DYM: variants seen among roughly 807,000 people sequenced by gnomAD.
The protein encoded by DYM is dymeclin.
DYM carries 78 observed loss-of-function variants against 93.1 expected under a neutral mutation model. The observed-to-expected ratio is 0.84, with a 90% CI of 0.70 to 1.01. The LOEUF is 1.01. Among genes scored for constraint, DYM ranks in the 50% least tolerant of loss-of-function variants. DYM has a pLI of 0.00. For synonymous variants in DYM, 321 were observed against 319.7 expected (o/e 1.00, Z -0.04); for missense variants, 789 against 845.0 (o/e 0.93, Z 0.82).
intron 16 of DYM, among the ~76,000 whole-genome samples, chr18:49,112,297 A>C (rs1568441101): frequency 6.6e-6 from 1 of 152,154 alleles, no homozygotes; most frequent in Non-Finnish European, 1.5e-5. Context: ...ACAGCCTGTG[A>C]GTGCAAATTC....
At chr18:49,169,879 C>G (rs527259792) in intron 14 of DYM, among the ~76,000 whole-genome samples, 3 of 152,246 alleles carry the variant, frequency 2.0e-5, no homozygotes, top group African/African-American at 7.2e-5. Flanking sequence ...AGGAAACGTC[C>G]ATATTATCCA....
At chr18:49,363,285 C>T in intron 5 of DYM, 52 bp from the exon 6 acceptor site, 1 of 1,277,084 alleles carries the variant, frequency 7.8e-7, no homozygotes, top group Non-Finnish European at 1.1e-6. Flanking sequence ...CAGTAGAATA[C>T]AGTTGTTCAG....
intron 16 of DYM, among the ~76,000 whole-genome samples, chr18:49,118,097 T>C (rs2082073339): frequency 1.4e-5 from 2 of 147,572 alleles, no homozygotes; most frequent in South Asian, 2.2e-4. Flanking sequence ...GCAACCTCTA[T>C]TTCCTGGGTT....
chr18:49,095,353 T>C (rs1641644140), intron 17 of DYM, among the ~76,000 whole-genome samples: 1 of 152,212 alleles, frequency 6.6e-6, no homozygotes, highest in Non-Finnish European at 1.5e-5. Flanking sequence ...TCTGTGGTAA[T>C]AATATGCTAT....
intron 7 of DYM, among the ~76,000 whole-genome samples, chr18:49,332,920 T>C (rs1018351033): frequency 6.6e-6 from 1 of 152,174 alleles, no homozygotes; most frequent in African/African-American, 2.4e-5. Context: ...TGAGTGTCAT[T>C]CTGAGTGTCT....
At chr18:49,081,531 GAGGGGAGA>G (rs2078024405) in intron 17 of DYM, among the ~76,000 whole-genome samples, 1 of 9,592 alleles carries the variant, frequency 1.0e-4, no homozygotes, top group South Asian at 4.6e-3. Context: ...GGAGAGGGGA[GAGGGGAGA>G]GGGGAGAGGG....
At chr18:49,188,763 A>G (rs889569453) in intron 14 of DYM, among the ~76,000 whole-genome samples, 1 of 152,166 alleles carries the variant, frequency 6.6e-6, no homozygotes, top group South Asian at 2.1e-4. Flanking sequence ...TGGGTGCAGC[A>G]CACCAATGTG....
chr18:49,169,186 C>A lies in DYM; in HGVS notation c.1626-5399G>T, dbSNP rs529076967. Among the ~76,000 whole-genome samples, 6 of 152,254 alleles carry A rather than the reference C, an allele frequency of 3.9e-5. No homozygotes were observed. In the South Asian group the frequency reaches 1.2e-3, roughly 32 times the overall value. ...GAGGGCGCAGTCAGGTGAAAAAGGA[C>A]GTGCCTAAATAGACTGGAGGTGAAC... On this transcript the variant is annotated intron_variant, in intron 14 of 17. Transcript: ENST00000675505.
At chr18:49,227,552 A>C (rs766518226) in intron 13 of DYM, among the ~76,000 whole-genome samples, 8 of 152,162 alleles carry the variant, frequency 5.3e-5, no homozygotes, top group Non-Finnish European at 1.5e-5. Flanking sequence ...ATATACACGG[A>C]AACATCCACA....
chr18:49,232,367 C>T (rs1220227261), intron 13 of DYM, among the ~76,000 whole-genome samples: 5 of 150,984 alleles, frequency 3.3e-5, no homozygotes, highest in African/African-American at 7.3e-5. Context: ...AGTGCAGTGG[C>T]GCGATCTCGG....
intron 1 of DYM, among the ~76,000 whole-genome samples, chr18:49,458,826 G>T (rs1272231942): frequency 3.3e-5 from 5 of 152,128 alleles, no homozygotes; most frequent in African/African-American, 1.2e-4. Flanking sequence ...ATGACAGAGC[G>T]AGACTCTGCC....
chr18:49,147,777 C>G (rs2085327627), intron 15 of DYM, among the ~76,000 whole-genome samples: 2 of 152,136 alleles, frequency 1.3e-5, no homozygotes. Context: ...TTGTGGAAGT[C>G]AGTGTGGCGA....
At chr18:49,299,073 A>G (rs2060738692) in intron 8 of DYM, among the ~76,000 whole-genome samples, 1 of 152,146 alleles carries the variant, frequency 6.6e-6, no homozygotes, top group African/African-American at 2.4e-5. Context: ...GTTCCCAGAA[A>G]CTTCATTCCA....
intron 8 of DYM, among the ~76,000 whole-genome samples, chr18:49,323,121 C>T (rs2062624152): frequency 6.6e-6 from 1 of 152,188 alleles, no homozygotes; most frequent in African/African-American, 2.4e-5. Flanking sequence ...GTTTCAATCA[C>T]AGAATTGTTT....
intron 3 of DYM, among the ~76,000 whole-genome samples, chr18:49,381,000 T>C (rs1242018469): frequency 6.6e-6 from 1 of 150,384 alleles, no homozygotes; most frequent in Non-Finnish European, 1.5e-5. Context: ...TTGAACTTCT[T>C]TTTTTTTTAA....
At chr18:49,151,348 A>G (rs1013259185) in intron 15 of DYM, among the ~76,000 whole-genome samples, 1 of 152,226 alleles carries the variant, frequency 6.6e-6, no homozygotes, top group South Asian at 2.1e-4. Flanking sequence ...ATTCTCGAAT[A>G]CAATTTGTTT....
At position 49,044,023 on chromosome 18, in the gene DYM, T is replaced by C; in HGVS notation, c.*32A>G. The C allele has an allele frequency of 1.9e-6, 3 of 1,612,118 alleles. No individual in the cohort carries two copies. The highest frequency in any genetic ancestry group is 2.5e-6 in the Non-Finnish European group (3 of 1,179,724). On this transcript the variant is annotated 3_prime_UTR_variant, in exon 18 of 18. Coordinates refer to ENST00000675505, the MANE Select transcript of DYM (RefSeq NM_001353214.3). ...AAAAGAACTTGAAGGGCTGCTTGGC[T>C]GGAGGGGTCCGGGTGGGAGAGCATC... is the stretch of plus-strand genomic sequence containing the variant.
At chr18:49,197,213 G>C (rs928487438) in intron 14 of DYM, among the ~76,000 whole-genome samples, 2 of 152,116 alleles carry the variant, frequency 1.3e-5, no homozygotes, top group Non-Finnish European at 2.9e-5. Flanking sequence ...TATCAATTTG[G>C]AACATATTGG....
chr18:49,115,401 T>G (rs2081839575), intron 16 of DYM, among the ~76,000 whole-genome samples: 1 of 152,248 alleles, frequency 6.6e-6, no homozygotes, highest in Admixed American at 6.5e-5. Context: ...TTAGAGATTA[T>G]TTCTCTCCCA....
Sources: allele counts gnomAD v4.1 joint callset (sites outside exome capture counted in the v4.1 genomes callset), GRCh38; gene constraint gnomAD v4.1.1; transcripts MANE v1.5; gene names NCBI Gene and HGNC (gene_info 2026-07-23, HGNC 2026-07-21).